The following NEK1 variants were observed in gnomAD, a reference collection of about 807,000 sequenced individuals.
NEK1 encodes NIMA related kinase 1.
In NEK1, 137 loss-of-function variants were observed where a neutral mutation model predicts 182.1. The ratio of observed to expected loss-of-function variants is 0.75; its 90% confidence interval spans 0.65 to 0.87. The LOEUF is 0.87. Ranked by LOEUF, NEK1 falls within the 40% of genes least tolerant of loss-of-function variation. NEK1 has a pLI of 0.00. For missense variants in NEK1, 1,391 were observed against 1,494.4 expected (o/e 0.93, Z 1.14); for synonymous variants, 513 against 492.2 (o/e 1.04, Z -0.56).
chr4:169,453,731 G>C (rs998998720), intron 27 of NEK1, among the ~76,000 whole-genome samples: 1 of 152,200 alleles, frequency 6.6e-6, no homozygotes, highest in Non-Finnish European at 1.5e-5. Flanking sequence ...GATATTTTTA[G>C]TTAATTTAAT....
At position 169,400,620 on chromosome 4, in the gene NEK1, A is replaced by C; in HGVS notation, c.3615T>G (p.Cys1205Trp). The part of the protein sequence containing the change: ...DNSDGEIASE[C>W]ECDSVFNHLE... ...AATGGTTAAAGACACTATCGCATTCACATTCACTAGCAATTTCACCATCAC... is the reference window on the plus strand; with the variant it reads ...AATGGTTAAAGACACTATCGCATTCCCATTCACTAGCAATTTCACCATCAC... Residue 1205 changes from cysteine to tryptophan, a missense_variant, in exon 34 of 36, where the codon TGT becomes TGG. By Grantham distance (215) the Cys-to-Trp change is radical. Coordinates refer to ENST00000507142, the MANE Select transcript of NEK1 (RefSeq NM_001199397.3). The C allele has an allele frequency of 6.3e-7, 1 of 1,599,980 alleles. No individual in the cohort carries two copies. Among genetic ancestry groups the C allele is most frequent in the Non-Finnish European group, 8.5e-7 (1 of 1,172,750 alleles).
chr4:169,555,362 C>T, intron 18 of NEK1: 1 of 224,142 alleles, frequency 4.5e-6, no homozygotes, highest in Non-Finnish European at 8.9e-6. Flanking sequence ...GCGAAAAATG[C>T]ACTGGGGTTC....
intron 6 of NEK1, 43 bp from the exon 7 acceptor site, chr4:169,589,557 C>T (rs1041114530): frequency 5.1e-6 from 6 of 1,167,234 alleles, no homozygotes; most frequent in Non-Finnish European, 7.3e-6. Context: ...AATATTGTTA[C>T]AGTCCAGTTC....
intron 31 of NEK1, among the ~76,000 whole-genome samples, chr4:169,421,751 T>G (rs1735521292): frequency 1.3e-5 from 2 of 152,202 alleles, no homozygotes; most frequent in Admixed American, 6.6e-5. Flanking sequence ...CATAAATTAC[T>G]CAGTCTCAGG....
intron 31 of NEK1, among the ~76,000 whole-genome samples, chr4:169,417,010 T>A (rs1341892642): frequency 1.3e-5 from 2 of 152,248 alleles, no homozygotes; most frequent in Non-Finnish European, 2.9e-5. Context: ...GTTTCCTGTA[T>A]GTGCTATAGT....
chr4:169,409,091 A>C (rs780109673), intron 31 of NEK1, among the ~76,000 whole-genome samples: 7 of 152,180 alleles, frequency 4.6e-5, no homozygotes, highest in Admixed American at 1.3e-4. Flanking sequence ...TCCCACTAGC[A>C]GTGTAAAAGT....
chr4:169,400,477 C>G, intron 34 of NEK1, 44 bp downstream of exon 34: 1 of 1,555,536 alleles, frequency 6.4e-7, no homozygotes, highest in Non-Finnish European at 8.7e-7. Context: ...CTTCAACCTT[C>G]AAACATAGCA....
intron 19 of NEK1, among the ~76,000 whole-genome samples, chr4:169,531,403 A>G (rs2149790777): frequency 6.6e-6 from 1 of 152,066 alleles, no homozygotes; most frequent in South Asian, 2.1e-4. Flanking sequence ...AGACAGGATG[A>G]TAACTACAGA....
In NEK1 at chr4:169,482,280, GCTTT is replaced by G. The variant is rs200661139; in HGVS notation, c.2008-2750_2008-2747del. On this transcript the variant is annotated intron_variant, in intron 23 of 35. Coordinates refer to ENST00000507142, the MANE Select transcript of NEK1 (RefSeq NM_001199397.3). The stretch of plus-strand genomic sequence containing the variant: ...TCCATATCAGCAAGAAGGCTGTTTT[GCTTT>G]CTTTCTTTCTTTTTTTTCTAAGAGA... Among the ~76,000 whole-genome samples the G allele has an allele frequency of 6.1e-3, 923 of 152,112 alleles. 8 individuals carry two copies. The highest frequency in any genetic ancestry group is 0.02 in the African/African-American group (849 of 41,504).
intron 26 of NEK1, among the ~76,000 whole-genome samples, chr4:169,476,418 T>C (rs1746950448): frequency 6.6e-6 from 1 of 152,132 alleles, no homozygotes; most frequent in African/African-American, 2.4e-5. Flanking sequence ...CTAAACATTA[T>C]TATATTCCCA....
intron 20 of NEK1, 127 bp from the exon 21 acceptor site, chr4:169,508,458 C>T (rs1753671593): frequency 1.5e-6 from 1 of 681,548 alleles, no homozygotes; most frequent in African/African-American, 1.9e-5. Context: ...GTTCTGAAAT[C>T]CGGTTAATGG....
chr4:169,434,052 T>C (rs1439657961), intron 28 of NEK1, among the ~76,000 whole-genome samples: 1 of 152,174 alleles, frequency 6.6e-6, no homozygotes, highest in Non-Finnish European at 1.5e-5. Flanking sequence ...TAGACTGTGA[T>C]ATTACTGATT....
chr4:169,610,809 T>C (rs1280233731), intron 2 of NEK1, among the ~76,000 whole-genome samples: 1 of 152,192 alleles, frequency 6.6e-6, no homozygotes, highest in Non-Finnish European at 1.5e-5. Flanking sequence ...AAGGGAAACA[T>C]GGTAAAGGCA....
chr4:169,405,996 G>A (rs750150184), intron 32 of NEK1, among the ~76,000 whole-genome samples: 3 of 152,044 alleles, frequency 2.0e-5, no homozygotes, highest in Non-Finnish European at 4.4e-5. Context: ...TACTCAGGAG[G>A]CTGAGGAGGA....
chr4:169,414,670 G>C (rs572438109), intron 31 of NEK1, among the ~76,000 whole-genome samples: 1 of 152,286 alleles, frequency 6.6e-6, no homozygotes, highest in East Asian at 1.9e-4. Context: ...TACTTACGGT[G>C]TGTGCCAAAA....
chr4:169,473,039 G>T (rs879366586), intron 26 of NEK1, among the ~76,000 whole-genome samples: 1 of 151,632 alleles, frequency 6.6e-6, no homozygotes, highest in East Asian at 1.9e-4. Flanking sequence ...GAGGAGGATT[G>T]TATGAGGCCA....
At chr4:169,513,504 T>A (rs1156739198) in intron 19 of NEK1, among the ~76,000 whole-genome samples, 2 of 152,112 alleles carry the variant, frequency 1.3e-5, no homozygotes, top group Non-Finnish European at 2.9e-5. Flanking sequence ...ATTCAGATAA[T>A]CATTATCAAC....
chr4:169,568,492 A>G (rs1275261319), intron 12 of NEK1, among the ~76,000 whole-genome samples: 1 of 151,778 alleles, frequency 6.6e-6, no homozygotes, highest in Non-Finnish European at 1.5e-5. Context: ...AACCCACCTG[A>G]CTGATTTCAT....
chr4:169,495,963 G>A lies in NEK1; in HGVS notation c.2007+11074C>T, dbSNP rs545010915. Reference sequence around the variant, plus strand: ...AGAAAGTCATTGGTAGCTTGATGGGGATGGCATTGAATCTATAAATTACCT... The same window carrying A: ...AGAAAGTCATTGGTAGCTTGATGGGAATGGCATTGAATCTATAAATTACCT... On this transcript the variant is annotated intron_variant, in intron 23 of 35. Coordinates refer to ENST00000507142, the MANE Select transcript of NEK1 (RefSeq NM_001199397.3). Among the ~76,000 whole-genome samples the A allele has an allele frequency of 2.6e-5, 4 of 152,270 alleles. No individual in the cohort carries two copies. The South Asian group carries it at 8.3e-4, about 32-fold the overall frequency.
Sources: allele counts gnomAD v4.1 joint callset (sites outside exome capture counted in the v4.1 genomes callset), GRCh38; gene constraint gnomAD v4.1.1; transcripts MANE v1.5; gene names NCBI Gene and HGNC (gene_info 2026-07-23, HGNC 2026-07-21).